The following CDC42BPA variants were observed in gnomAD, a reference collection of about 807,000 sequenced individuals.
CDC42BPA encodes CDC42 binding protein kinase alpha.
Under a neutral mutation model 223.5 loss-of-function variants are expected in CDC42BPA, and 80 were observed. The observed-to-expected ratio is 0.36, with a 90% CI of 0.30 to 0.43. The LOEUF (loss-of-function observed/expected upper bound fraction) is 0.43. Ranked by LOEUF, CDC42BPA falls within the 20% of genes least tolerant of loss-of-function variation. CDC42BPA has a pLI of 1.00. For missense variants in CDC42BPA, 1,743 were observed against 2,099.9 expected (o/e 0.83, Z 3.32); for synonymous variants, 694 against 718.6 (o/e 0.97, Z 0.55).
chr1:227,197,719 AAATTT>A, intron 4 of CDC42BPA, among the ~76,000 whole-genome samples: 1 of 152,232 alleles, frequency 6.6e-6, no homozygotes, highest in Admixed American at 6.5e-5. Context: ...CTGCAGTGTT[AAATTT>A]ATCTATTACA....
intron 1 of CDC42BPA, among the ~76,000 whole-genome samples, chr1:227,314,176 T>C (rs561759939): frequency 1.6e-4 from 25 of 152,236 alleles, no homozygotes; most frequent in African/African-American, 6.0e-4. Flanking sequence ...TAATTTATTC[T>C]AGAGTTATGC....
At chr1:227,164,048 G>GTAT (rs1415573958) in intron 5 of CDC42BPA, among the ~76,000 whole-genome samples, 1 of 152,056 alleles carries the variant, frequency 6.6e-6, no homozygotes, top group Non-Finnish European at 1.5e-5. Context: ...AAATATTACT[G>GTAT]TATTACTCTA....
intron 2 of CDC42BPA, among the ~76,000 whole-genome samples, chr1:227,248,613 G>A (rs1414544505): frequency 6.6e-6 from 1 of 151,968 alleles, no homozygotes; most frequent in East Asian, 1.9e-4. Context: ...ATGGTCAAAT[G>A]GCATAAGAAT....
At chr1:227,217,027 G>A (rs540397630) in intron 2 of CDC42BPA, among the ~76,000 whole-genome samples, 2 of 152,262 alleles carry the variant, frequency 1.3e-5, no homozygotes, top group East Asian at 3.9e-4. Context: ...ACAGAATGCT[G>A]TAACAGTATT....
chr1:226,999,798 A>G (rs1434248759), intron 35 of CDC42BPA, among the ~76,000 whole-genome samples: 2 of 152,134 alleles, frequency 1.3e-5, no homozygotes, highest in Non-Finnish European at 2.9e-5. Context: ...TGTCCTTTAC[A>G]GGGACATGGA....
At chr1:227,134,201 C>T (rs1658026237) in intron 10 of CDC42BPA, among the ~76,000 whole-genome samples, 1 of 151,956 alleles carries the variant, frequency 6.6e-6, no homozygotes, top group African/African-American at 2.4e-5. Context: ...TTCTTTGGTC[C>T]ATCACTGTTT....
At chr1:227,293,548 G>A (rs1690075350) in intron 1 of CDC42BPA, among the ~76,000 whole-genome samples, 1 of 150,794 alleles carries the variant, frequency 6.6e-6, no homozygotes, top group Non-Finnish European at 1.5e-5. Flanking sequence ...TCTATTGCTG[G>A]GTGCAGTGGC....
chr1:227,076,214 A>T (rs1679433925), intron 17 of CDC42BPA, among the ~76,000 whole-genome samples: 1 of 150,950 alleles, frequency 6.6e-6, no homozygotes, highest in Non-Finnish European at 1.5e-5. Context: ...CCACCTCATT[A>T]AAAAAAAATC....
At chr1:227,014,647 T>C (rs966361533) in intron 34 of CDC42BPA, among the ~76,000 whole-genome samples, 1 of 152,194 alleles carries the variant, frequency 6.6e-6, no homozygotes, top group Non-Finnish European at 1.5e-5. Flanking sequence ...GATAGATGTT[T>C]ATATCTTCTA....
At chr1:227,163,917 G>A (rs1029543729) in intron 5 of CDC42BPA, among the ~76,000 whole-genome samples, 1 of 151,956 alleles carries the variant, frequency 6.6e-6, no homozygotes, top group Non-Finnish European at 1.5e-5. Flanking sequence ...GAGATAAAGG[G>A]CAGTTACATT....
intron 22 of CDC42BPA, among the ~76,000 whole-genome samples, chr1:227,051,078 A>C (rs572756949): frequency 7.9e-5 from 12 of 152,334 alleles, no homozygotes; most frequent in Non-Finnish European, 1.3e-4. Context: ...GGAGTCTGTC[A>C]CAGAGTTGGA....
chr1:227,092,222 G>A (rs1016462542), intron 15 of CDC42BPA, among the ~76,000 whole-genome samples: 1 of 152,122 alleles, frequency 6.6e-6, no homozygotes. Flanking sequence ...AACTATTTAT[G>A]GAGTGCTTAC....
At chr1:227,201,446 A>G (rs1671740570) in intron 3 of CDC42BPA, among the ~76,000 whole-genome samples, 1 of 152,166 alleles carries the variant, frequency 6.6e-6, no homozygotes, top group African/African-American at 2.4e-5. Flanking sequence ...CCCAGCCTAA[A>G]AATCAATTTT....
intron 26 of CDC42BPA, among the ~76,000 whole-genome samples, 155 bp downstream of exon 26, chr1:227,034,500 C>T (rs1057380811): frequency 1.3e-5 from 2 of 152,150 alleles, no homozygotes; most frequent in Admixed American, 6.5e-5. Flanking sequence ...ACCTTACTTC[C>T]TATTTTCAAT....
intron 15 of CDC42BPA, among the ~76,000 whole-genome samples, chr1:227,098,883 T>C (rs1684477130): frequency 6.6e-6 from 1 of 152,026 alleles, no homozygotes. Flanking sequence ...TTCTACAATA[T>C]AGTCATGTAA....
intron 21 of CDC42BPA, among the ~76,000 whole-genome samples, chr1:227,053,301 T>G (rs1219771559): frequency 6.6e-6 from 1 of 152,164 alleles, no homozygotes; most frequent in Non-Finnish European, 1.5e-5. Context: ...CCTCCATTGG[T>G]GCCCACCTAC....
At chr1:227,049,292 T>C (rs950150762) in intron 22 of CDC42BPA, among the ~76,000 whole-genome samples, 4 of 151,642 alleles carry the variant, frequency 2.6e-5, no homozygotes, top group Admixed American at 2.0e-4. Context: ...GACAAGGCAA[T>C]GCACAGTAAG....
At chr1:227,013,144 CTTACGTGATA>C (rs1665536819) in intron 34 of CDC42BPA, among the ~76,000 whole-genome samples, 2 of 152,056 alleles carry the variant, frequency 1.3e-5, no homozygotes, top group Non-Finnish European at 1.5e-5. Context: ...TACAAAAGCA[CTTACGTGATA>C]AGAAAACATT....
rs1447862738 is a variant in CDC42BPA at position 227,101,127 on chromosome 1, G to C, written c.2114C>G (p.Ser705Cys). ...KKSIFYEEEL[S>C]KREGIHANEI... ...ATTTGCATGTATTCCTTCTCTTTTA[G>C]ATAATTCTTCTTCATAAAAGATACT... Residue 705 changes from serine to cysteine, a missense_variant, in exon 15 of 37, where the codon TCT (serine) becomes TGT (cysteine). By Grantham distance (112) the Ser-to-Cys change is moderately radical. Transcript: ENST00000366766. The C allele has an allele frequency of 1.3e-6, 2 of 1,576,946 alleles. No individual in the cohort carries two copies. Among genetic ancestry groups the C allele is most frequent in the Non-Finnish European group, 1.7e-6 (2 of 1,147,412 alleles).
Sources: gnomAD v4.1 joint callset for allele counts (sites outside exome capture counted in the v4.1 genomes callset) on GRCh38, gnomAD v4.1.1 for gene constraint, MANE v1.5 for transcripts, NCBI Gene and HGNC (gene_info 2026-07-23, HGNC 2026-07-21) for gene names.